KMT2C: variants seen among roughly 807,000 people sequenced by gnomAD.
KMT2C encodes the protein histone-lysine N-methyltransferase 2C.
KMT2C carries 88 observed loss-of-function variants against 507.9 expected under a neutral mutation model. That is an observed-to-expected ratio of 0.17 (90% CI 0.15 to 0.21). KMT2C has a LOEUF of 0.21. Ranked by LOEUF, KMT2C falls within the 10% of genes least tolerant of loss-of-function variation. The pLI, the probability that KMT2C is intolerant of heterozygous loss-of-function variation, is 1.00. For missense variants in KMT2C, 4,954 were observed against 5,957.8 expected, an observed-to-expected ratio of 0.83 and a Z score of 5.55; for synonymous variants, 2,049 against 2,080.8, an observed-to-expected ratio of 0.98 and a Z score of 0.42.
chr7:152,400,784 G>C (rs946631838), intron 1 of KMT2C, among the ~76,000 whole-genome samples: 3 of 150,730 alleles, frequency 2.0e-5, no homozygotes, highest in African/African-American at 4.9e-5. Context: ...AACAGTAGTA[G>C]CACTGTGCAA....
rs2094267938 is a variant in KMT2C at position 152,205,156 on chromosome 7, C to G, written c.3911G>C (p.Arg1304Thr). 1 of 1,611,812 alleles carries G rather than the reference C, an allele frequency of 6.2e-7. No individual in the cohort carries two copies. The highest frequency in any genetic ancestry group is 8.5e-7 in the Non-Finnish European group (1 of 1,178,396). Reference protein sequence around the residue: ...GQGKTKRSVIRKDSSGSISEQ... With the variant: ...GQGKTKRSVITKDSSGSISEQ... ...GGAAATAGAGCCTGAGGAATCTTTT[C>G]TGATCACAGATCTTTTGGTTTTCCC... Residue 1304 changes from arginine (R) to threonine (T), a missense_variant, in exon 25 of 59, where the codon AGA (arginine) becomes ACA (threonine). Arg to Thr is a moderately conservative substitution (Grantham distance 71). Around this residue, in one of 29 missense-constraint regions of KMT2C, gnomAD observed 176 missense variants for 262.0 expected, o/e 0.67. Coordinates refer to ENST00000262189, the MANE Select transcript of KMT2C (RefSeq NM_170606.3).
chr7:152,172,522 CCT>C (rs1460559300), intron 39 of KMT2C, among the ~76,000 whole-genome samples: 1 of 152,048 alleles, frequency 6.6e-6, no homozygotes, highest in Non-Finnish European at 1.5e-5. Flanking sequence ...ATGGTGAAAC[CCT>C]GTCTCTACCA....
At chr7:152,374,629 T>C (rs1171268634) in intron 1 of KMT2C, among the ~76,000 whole-genome samples, 4 of 152,174 alleles carry the variant, frequency 2.6e-5, no homozygotes, top group Non-Finnish European at 5.9e-5. Context: ...CCGGGTGTGC[T>C]GGCTCATGCC....
chr7:152,308,385 A>G (rs1233556969), intron 6 of KMT2C, among the ~76,000 whole-genome samples: 1 of 152,078 alleles, frequency 6.6e-6, no homozygotes, highest in East Asian at 1.9e-4. Flanking sequence ...ACTTGTTAAA[A>G]ACCAAAGGGG....
chr7:152,357,534 A>AAAAC (rs550874806), intron 2 of KMT2C, among the ~76,000 whole-genome samples: 22 of 152,104 alleles, frequency 1.4e-4, no homozygotes, highest in African/African-American at 2.4e-4. Context: ...TCTTGTCTTA[A>AAAAC]AAACAAACAA....
At chr7:152,213,522 G>A in intron 23 of KMT2C, among the ~76,000 whole-genome samples, 1 of 152,082 alleles carries the variant, frequency 6.6e-6, no homozygotes. Context: ...GCAAAAGAAT[G>A]AAACTGGACC....
At chr7:152,179,195 C>T (rs1314227443) in intron 37 of KMT2C, among the ~76,000 whole-genome samples, 2 of 152,218 alleles carry the variant, frequency 1.3e-5, no homozygotes, top group African/African-American at 4.8e-5. Flanking sequence ...AGGGTTTTAC[C>T]ATGTTGGCCA....
At chr7:152,165,333 T>C (rs2092679856) in intron 42 of KMT2C, among the ~76,000 whole-genome samples, 1 of 152,232 alleles carries the variant, frequency 6.6e-6, no homozygotes, top group Admixed American at 6.5e-5. Flanking sequence ...TTTCAAGTAT[T>C]AGCTTCTAAA....
At chr7:152,418,733 A>G (rs752657240) in intron 1 of KMT2C, among the ~76,000 whole-genome samples, 2 of 152,100 alleles carry the variant, frequency 1.3e-5, no homozygotes, top group Admixed American at 6.6e-5. Flanking sequence ...CTCAGCCCTC[A>G]GTTTTACTCA....
chr7:152,368,846 GT>G (rs2129239621), intron 1 of KMT2C, among the ~76,000 whole-genome samples: 1 of 152,214 alleles, frequency 6.6e-6, no homozygotes, highest in East Asian at 1.9e-4. Context: ...TGTCTAGGGT[GT>G]TGTGTACTTA....
chr7:152,415,100 C>T (rs1396386956), intron 1 of KMT2C, among the ~76,000 whole-genome samples: 2 of 152,006 alleles, frequency 1.3e-5, no homozygotes, highest in African/African-American at 2.4e-5. Flanking sequence ...CCTGCCTCAG[C>T]CTCAAGTGCT....
At chr7:152,229,562 GAACAGA>G (rs1169343655) in intron 18 of KMT2C, among the ~76,000 whole-genome samples, 2 of 152,156 alleles carry the variant, frequency 1.3e-5, no homozygotes, top group Admixed American at 1.3e-4. Context: ...ATGCGGGAAA[GAACAGA>G]ATGGGCTAAT....
At chr7:152,314,767 A>T (rs150765011) in intron 4 of KMT2C, among the ~76,000 whole-genome samples, 1 of 152,178 alleles carries the variant, frequency 6.6e-6, no homozygotes, top group Non-Finnish European at 1.5e-5. Flanking sequence ...GCTTATTTAG[A>T]GAAACAAAAG....
In KMT2C at chr7:152,156,834, A is replaced by T. The variant is rs561125827; in HGVS notation, c.11671-488T>A. On this transcript the variant is annotated intron_variant, in intron 44 of 58. Transcript: ENST00000262189. Reference sequence around the variant, plus strand: ...AGAATCTGGATTGACTAAGACCTTTAAAAGAAGCAACAGTACTAATGCTAC... The same window carrying T: ...AGAATCTGGATTGACTAAGACCTTTTAAAGAAGCAACAGTACTAATGCTAC... 2.1e-4 allele frequency among the ~76,000 whole-genome samples: 32 copies of T among 152,268 alleles called. 1 individual carries two copies. In the South Asian group the frequency reaches 6.6e-3, roughly 32 times the overall value.
At chr7:152,139,543 C>T (rs1184220028) in intron 56 of KMT2C, 132 bp downstream of exon 56, 3 of 682,732 alleles carry the variant, frequency 4.4e-6, no homozygotes, top group African/African-American at 3.6e-5. Context: ...CACTAATATA[C>T]AGATATGGCT....
intron 2 of KMT2C, 66 bp from the exon 3 acceptor site, chr7:152,330,805 G>T: frequency 7.0e-7 from 1 of 1,423,600 alleles, no homozygotes; most frequent in African/African-American, 1.4e-5. Flanking sequence ...ACTGGTGAAT[G>T]TATCTATAAA....
chr7:152,214,836 G>A (rs776384972), intron 23 of KMT2C, among the ~76,000 whole-genome samples: 4 of 152,076 alleles, frequency 2.6e-5, no homozygotes, highest in Admixed American at 1.3e-4. Context: ...GAAGTAGGTC[G>A]GAGGGTACAA....
chr7:152,358,680 AG>A lies in KMT2C; in HGVS notation c.162-6del. ...GTTTTCCCCCTACTTCGAGGTCTAC[AG>A]AAAAAAAAAAAAATAATAAGTACAT... On this transcript the variant is annotated splice_region_variant and splice_polypyrimidine_tract_variant and intron_variant, in intron 1 of 58. Transcript: ENST00000262189. 5.8e-6 allele frequency: 9 copies of A among 1,555,428 alleles called. No individual in the cohort carries two copies. The highest frequency in any genetic ancestry group is 4.4e-6 in the Non-Finnish European group (5 of 1,135,606).
intron 6 of KMT2C, among the ~76,000 whole-genome samples, chr7:152,282,327 A>G (rs1381303190): frequency 1.3e-5 from 2 of 151,866 alleles, no homozygotes; most frequent in Admixed American, 1.3e-4. Context: ...AAGAAAAGAA[A>G]GTAGCCACTT....
Sources: gnomAD v4.1 joint callset for allele counts (sites outside exome capture counted in the v4.1 genomes callset) on GRCh38, gnomAD v4.1.1 for gene constraint, gnomAD v4.1.1 regional missense constraint, MANE v1.5 for transcripts, NCBI Gene and HGNC (gene_info 2026-07-23, HGNC 2026-07-21) for gene names.